UST: variants seen among roughly 807,000 people sequenced by gnomAD.
UST encodes the protein chondroitin sulfate 2-O-sulfotransferase.
UST carries 21 observed loss-of-function variants against 45.6 expected under a neutral mutation model. That is an observed-to-expected ratio of 0.46 (90% CI 0.33 to 0.66). The LOEUF (loss-of-function observed/expected upper bound fraction) is 0.66, where lower values mean the gene tolerates loss of function less well. Ranked by LOEUF, UST falls within the 30% of genes least tolerant of loss-of-function variation. UST has a pLI of 0.02. For synonymous variants in UST, 215 were observed against 200.6 expected (o/e 1.07, Z -0.61); for missense variants, 463 against 512.4 (o/e 0.90, Z 0.93).
At chr6:148,912,367 G>A (rs753229380) in intron 2 of UST, among the ~76,000 whole-genome samples, 59 of 152,344 alleles carry the variant, frequency 3.9e-4, no homozygotes, top group Non-Finnish European at 7.1e-4. Flanking sequence ...ACATAAAACA[G>A]CATTAACTGT....
chr6:148,765,605 A>T (rs1776306816), intron 1 of UST, among the ~76,000 whole-genome samples: 1 of 152,222 alleles, frequency 6.6e-6, no homozygotes, highest in Non-Finnish European at 1.5e-5. Flanking sequence ...GCTTACGAAG[A>T]TGATGGGATT....
chr6:149,067,593 G>A (rs1173757213), intron 7 of UST, among the ~76,000 whole-genome samples: 1 of 152,150 alleles, frequency 6.6e-6, no homozygotes, highest in Non-Finnish European at 1.5e-5. Context: ...CTATCAAATA[G>A]CCAAAGCACT....
intron 1 of UST, among the ~76,000 whole-genome samples, chr6:148,777,148 C>T (rs1776550370): frequency 6.6e-6 from 1 of 152,112 alleles, no homozygotes. Flanking sequence ...TCCTGGTGTG[C>T]CGGCTCACTT....
chr6:149,017,454 G>T (rs532405657), intron 5 of UST, among the ~76,000 whole-genome samples: 1 of 152,156 alleles, frequency 6.6e-6, no homozygotes, highest in South Asian at 2.1e-4. Flanking sequence ...GAAAAATTCA[G>T]TATATTCTCA....
At chr6:148,774,835 A>G (rs1357219426) in intron 1 of UST, among the ~76,000 whole-genome samples, 2 of 152,208 alleles carry the variant, frequency 1.3e-5, no homozygotes, top group Non-Finnish European at 2.9e-5. Context: ...CCTGACCAAC[A>G]TGGTGAAACC....
intron 4 of UST, among the ~76,000 whole-genome samples, chr6:148,954,351 C>T (rs1780437984): frequency 6.6e-6 from 1 of 152,192 alleles, no homozygotes; most frequent in South Asian, 2.1e-4. Flanking sequence ...TGAGTATTTT[C>T]TAGGATCCAA....
At chr6:149,009,350 TAAAG>T (rs1254551800) in intron 5 of UST, among the ~76,000 whole-genome samples, 2 of 152,026 alleles carry the variant, frequency 1.3e-5, no homozygotes, top group Non-Finnish European at 2.9e-5. Context: ...AAACTAGAAT[TAAAG>T]AATGCAGAAA....
chr6:149,017,741 A>C (rs1775923818), intron 5 of UST, among the ~76,000 whole-genome samples: 1 of 151,434 alleles, frequency 6.6e-6, no homozygotes, highest in Admixed American at 6.6e-5. Flanking sequence ...TGAACATGTA[A>C]ATTCTGCCAT....
At chr6:148,960,143 G>A (rs1248674089) in intron 4 of UST, among the ~76,000 whole-genome samples, 3 of 152,074 alleles carry the variant, frequency 2.0e-5, no homozygotes, top group Non-Finnish European at 1.5e-5. Flanking sequence ...ACAAAAATTA[G>A]ATGGGCATGG....
intron 1 of UST, among the ~76,000 whole-genome samples, chr6:148,828,497 A>G (rs548166751): frequency 2.0e-5 from 3 of 152,302 alleles, no homozygotes; most frequent in Admixed American, 2.0e-4. Context: ...TTCACTTAAG[A>G]CAAGCAGATA....
At chr6:149,052,551 C>T (rs1173654514) in intron 7 of UST, among the ~76,000 whole-genome samples, 5 of 151,998 alleles carry the variant, frequency 3.3e-5, no homozygotes, top group Non-Finnish European at 7.4e-5. Context: ...TCAACCCAGG[C>T]CCAGGTGACT....
chr6:148,877,305 G>A (rs142127627), intron 1 of UST, among the ~76,000 whole-genome samples: 78 of 75,464 alleles, frequency 1.0e-3, no homozygotes, highest in African/African-American at 4.0e-3. Flanking sequence ...GCGGGGGGTC[G>A]TGTATGAGTG....
chr6:148,878,891 G>C (rs1473365546), intron 1 of UST, among the ~76,000 whole-genome samples: 2 of 151,928 alleles, frequency 1.3e-5, no homozygotes, highest in Non-Finnish European at 2.9e-5. Context: ...AGGACTGACA[G>C]AATATCCCCT....
chr6:148,827,677 C>T (rs1404258226), intron 1 of UST, among the ~76,000 whole-genome samples: 1 of 146,660 alleles, frequency 6.8e-6, no homozygotes, highest in Admixed American at 6.8e-5. Context: ...GAATATTAGT[C>T]ATGATCCTGG....
chr6:148,822,334 G>C (rs1777483505), intron 1 of UST, among the ~76,000 whole-genome samples: 1 of 152,102 alleles, frequency 6.6e-6, no homozygotes, highest in Non-Finnish European at 1.5e-5. Flanking sequence ...CCCTCTTTGA[G>C]AAGAAACTGA....
chr6:148,990,154 C>T (rs926013101), intron 5 of UST, among the ~76,000 whole-genome samples: 11 of 152,206 alleles, frequency 7.2e-5, no homozygotes, highest in Admixed American at 5.2e-4. Context: ...AGGTGCTATA[C>T]ACCAACATAC....
At chr6:148,958,333 G>C (rs556710290) in intron 4 of UST, among the ~76,000 whole-genome samples, 1 of 152,084 alleles carries the variant, frequency 6.6e-6, no homozygotes, top group Non-Finnish European at 1.5e-5. Context: ...TTTCCTGCCC[G>C]GGGACTTATG....
intron 1 of UST, among the ~76,000 whole-genome samples, chr6:148,866,737 C>T (rs1299095891): frequency 3.3e-5 from 5 of 152,194 alleles, no homozygotes; most frequent in South Asian, 2.1e-4. Context: ...TTTATAACCC[C>T]GTGTTATTGT....
At chr6:148,986,977 T>C (rs1250896209) in intron 5 of UST, among the ~76,000 whole-genome samples, 2 of 152,254 alleles carry the variant, frequency 1.3e-5, no homozygotes, top group Non-Finnish European at 2.9e-5. Context: ...TGATTAAGGA[T>C]TGGTAACATC....
Sources: gnomAD v4.1 joint callset for allele counts (sites outside exome capture counted in the v4.1 genomes callset) on GRCh38, gnomAD v4.1.1 for gene constraint, MANE v1.5 for transcripts, NCBI Gene and HGNC (gene_info 2026-07-23, HGNC 2026-07-21) for gene names.